Variants in ZDHHC2 observed in about 807,000 individuals in gnomAD.
The protein encoded by ZDHHC2 is palmitoyltransferase ZDHHC2.
A neutral mutation model predicts 55.6 loss-of-function variants in ZDHHC2; 51 were observed. The ratio of observed to expected loss-of-function variants is 0.92; its 90% CI spans 0.73 to 1.16. The LOEUF (loss-of-function observed/expected upper bound fraction) is 1.16, where lower values mean the gene tolerates loss of function less well. Among genes scored for constraint, ZDHHC2 ranks in the 50% most tolerant of loss-of-function variants. The pLI is 0.00. For missense variants in ZDHHC2, 491 were observed against 442.4 expected (o/e 1.11, Z -0.99); for synonymous variants, 199 against 152.9 (o/e 1.30, Z -2.22).
rs1310376712 is a variant in ZDHHC2 at position 17,195,589 on chromosome 8, A to T, written c.338A>T (p.Lys113Met). The change falls in exon 4 of 13, where the codon AAG becomes ATG. Residue 113 changes from lysine (K) to methionine (M), a missense_variant. Transcript: ENST00000262096. ...CAGGAAGTTCTTAGGCGAGCAGCCA[A>T]GGATCTTCCCATCTATACCAGGACC... is the stretch of plus-strand genomic sequence containing the variant. ...AHQEVLRRAA[K>M]DLPIYTRTMS... 6.2e-7 allele frequency: 1 copy of T among 1,613,820 alleles called. No homozygotes were observed. The highest frequency in any genetic ancestry group is 1.3e-5 in the African/African-American group (1 of 74,930).
chr8:17,180,813 C>G (rs1441630006), intron 1 of ZDHHC2, among the ~76,000 whole-genome samples: 1 of 152,190 alleles, frequency 6.6e-6, no homozygotes, highest in East Asian at 1.9e-4. Flanking sequence ...TAGTAATAAT[C>G]TCTTTTCCAT....
intron 1 of ZDHHC2, among the ~76,000 whole-genome samples, chr8:17,158,501 C>T (rs1344786796): frequency 6.6e-6 from 1 of 152,138 alleles, no homozygotes; most frequent in Non-Finnish European, 1.5e-5. Context: ...CTCTTCTGCC[C>T]GTTAGAAGGA....
At position 17,206,515 on chromosome 8, in the gene ZDHHC2, G is replaced by A. The variant is rs910626148; in HGVS notation, c.597+740G>A. Among the ~76,000 whole-genome samples the A allele has an allele frequency of 4.3e-4, 66 of 152,098 alleles. 4 individuals are homozygous for A. The highest frequency in any genetic ancestry group is 2.9e-5 in the Non-Finnish European group (2 of 68,002). ...ATAAAAAATAAGTACTGCAAATAAC[G>A]AGAATTGATGACTATATAAGATTTT... is the stretch of plus-strand genomic sequence containing the variant. On this transcript the variant is annotated intron_variant, in intron 7 of 12. Transcript: ENST00000262096.
intron 1 of ZDHHC2, among the ~76,000 whole-genome samples, chr8:17,178,055 A>C (rs936436609): frequency 2.0e-5 from 3 of 152,142 alleles, no homozygotes; most frequent in Non-Finnish European, 4.4e-5. Flanking sequence ...CAAAAGGGGG[A>C]GTTCATTTTT....
chr8:17,196,775 G>A (rs909541680), intron 4 of ZDHHC2, among the ~76,000 whole-genome samples: 6 of 151,740 alleles, frequency 4.0e-5, no homozygotes, highest in East Asian at 3.9e-4. Flanking sequence ...GCGTGGTGGC[G>A]CATGCCTGTA....
chr8:17,212,771 A>G (rs181826526), intron 10 of ZDHHC2, among the ~76,000 whole-genome samples: 1 of 152,228 alleles, frequency 6.6e-6, no homozygotes, highest in Admixed American at 6.5e-5. Context: ...ATCACTTAAC[A>G]AGACTGATCT....
At chr8:17,213,767 C>G (rs761211789) in intron 10 of ZDHHC2, among the ~76,000 whole-genome samples, 30 of 152,148 alleles carry the variant, frequency 2.0e-4, no homozygotes, top group Non-Finnish European at 4.0e-4. Context: ...TTCAGAGTCC[C>G]TAAACCAGGA....
rs183383935 is a variant in ZDHHC2 at position 17,213,806 on chromosome 8, C to T, written c.951-1431C>T. ...CAGGATCTGGTTAGTCTTCTGTACC[C>T]GTTATATGGTCCCTTTCTTGAAGAA... is the stretch of plus-strand genomic sequence containing the variant. On this transcript the variant is annotated intron_variant, in intron 10 of 12. Transcript: ENST00000262096. Among the ~76,000 whole-genome samples, 462 of 152,116 alleles carry T rather than the reference C, an allele frequency of 3.0e-3. 2 individuals carry two copies. Among genetic ancestry groups the T allele is most frequent in the African/African-American group, 0.01 (434 of 41,488 alleles).
intron 1 of ZDHHC2, among the ~76,000 whole-genome samples, chr8:17,170,411 C>A (rs190727611): frequency 6.6e-6 from 1 of 152,184 alleles, no homozygotes; most frequent in Non-Finnish European, 1.5e-5. Flanking sequence ...AGCTCATAAA[C>A]ACAAATGTAG....
At chr8:17,161,757 G>A (rs760827276) in intron 1 of ZDHHC2, among the ~76,000 whole-genome samples, 38 of 152,064 alleles carry the variant, frequency 2.5e-4, no homozygotes, top group Non-Finnish European at 4.9e-4. Context: ...TGCTCGGGAG[G>A]CTAAGGCAGA....
rs116013525 is a variant in ZDHHC2, at chr8:17,179,704, C to G, written c.131-5085C>G. 3.5e-3 allele frequency among the ~76,000 whole-genome samples: 528 copies of G among 152,340 alleles called. 4 individuals are homozygous for G. Among genetic ancestry groups the G allele is most frequent in the African/African-American group, 0.012 (505 of 41,580 alleles). On this transcript the variant is annotated intron_variant, in intron 1 of 12. Coordinates refer to ENST00000262096, the MANE Select transcript of ZDHHC2 (RefSeq NM_016353.5). ...GGCATTTCATGCGTGGGCCGCCCAGCCCAAAATGTGATTCCTGAAGGCCAT... is the reference window on the plus strand; with the variant it reads ...GGCATTTCATGCGTGGGCCGCCCAGGCCAAAATGTGATTCCTGAAGGCCAT...
At position 17,192,332 on chromosome 8, in the gene ZDHHC2, T is replaced by C. The variant is rs146831421; in HGVS notation, c.253-3172T>C. On this transcript the variant is annotated intron_variant, in intron 3 of 12. Transcript: ENST00000262096. The stretch of plus-strand genomic sequence containing the variant: ...AGCTATTTGAACTGGGGTACGATGA[T>C]AACTCATTGTAGTTTTGATTTGCAT... 1.6e-3 allele frequency among the ~76,000 whole-genome samples: 243 copies of C among 152,346 alleles called. 1 individual carries two copies. Among genetic ancestry groups the C allele is most frequent in the Admixed American group, 4.8e-3 (74 of 15,308 alleles).
chr8:17,203,536 A>G (rs909624993), intron 6 of ZDHHC2, among the ~76,000 whole-genome samples: 2 of 150,892 alleles, frequency 1.3e-5, no homozygotes, highest in Non-Finnish European at 3.0e-5. Flanking sequence ...GCCCACCCAT[A>G]TTGTCCAAAG....
chr8:17,158,786 C>CCTGCCTGGCGCAATGCCTGT (rs1244142461), intron 1 of ZDHHC2, among the ~76,000 whole-genome samples: 6 of 152,148 alleles, frequency 3.9e-5, no homozygotes, highest in Non-Finnish European at 8.8e-5. Context: ...CTTGTCCCTG[C>CCTGCCTGGCGCAATGCCTGT]CTGCCTGGCG....
chr8:17,217,972 A>G (rs912232421), intron 12 of ZDHHC2, among the ~76,000 whole-genome samples: 15 of 152,238 alleles, frequency 9.9e-5, no homozygotes, highest in Non-Finnish European at 2.1e-4. Flanking sequence ...ACGGCAATCT[A>G]GAATCCTAAA....
intron 6 of ZDHHC2, among the ~76,000 whole-genome samples, chr8:17,204,261 G>T (rs1486042699): frequency 6.6e-6 from 1 of 152,102 alleles, no homozygotes; most frequent in Admixed American, 6.5e-5. Flanking sequence ...TACAAATCTA[G>T]AAAGAAAAGT....
Position 17,208,075 on chromosome 8 carries a change from AAAAT to A in ZDHHC2, c.718_721del (p.Lys240LeufsTer3). The A allele has an allele frequency of 6.3e-7, 1 of 1,576,002 alleles. No individual in the cohort carries two copies. Among genetic ancestry groups the A allele is most frequent in the Non-Finnish European group, 8.6e-7 (1 of 1,159,234 alleles). ...GGCTATCATTGTTGGCTAGTCAGCA[AAAAT>A]AAATCTACATTAGGTGAGTATCCAA... On this transcript the variant is annotated frameshift_variant, in exon 8 of 13. Coordinates refer to ENST00000262096, the MANE Select transcript of ZDHHC2 (RefSeq NM_016353.5). LOFTEE classifies it high-confidence loss of function.
At chr8:17,163,585 T>G (rs779952926) in intron 1 of ZDHHC2, among the ~76,000 whole-genome samples, 7 of 152,226 alleles carry the variant, frequency 4.6e-5, no homozygotes, top group Non-Finnish European at 1.0e-4. Flanking sequence ...CATTTCATAA[T>G]TTATACTGCT....
In ZDHHC2 at chr8:17,223,324, C is replaced by T. The variant is rs1807995560; in HGVS notation, c.*3103C>T. Reference sequence around the variant, plus strand: ...TTTACGTTGTAAATCATGATGGTGTCCTCCAGCACAACCATCCCACCCACA... The same window carrying T: ...TTTACGTTGTAAATCATGATGGTGTTCTCCAGCACAACCATCCCACCCACA... On this transcript the variant is annotated 3_prime_UTR_variant, in exon 13 of 13. Transcript: ENST00000262096. 1 of 151,772 alleles carries T rather than the reference C, an allele frequency of 6.6e-6. No individual in the cohort carries two copies. The highest frequency in any genetic ancestry group is 1.5e-5 in the Non-Finnish European group (1 of 67,758). 9.4% of individuals were successfully genotyped at this position (151,772 alleles called of 1,614,324 possible).
Sources: gnomAD v4.1 joint callset for allele counts (sites outside exome capture counted in the v4.1 genomes callset) on GRCh38, gnomAD v4.1.1 for gene constraint, MANE v1.5 for transcripts, NCBI Gene and HGNC (gene_info 2026-07-23, HGNC 2026-07-21) for gene names.